The following PHACTR4 variants were observed in gnomAD, a reference collection of about 807,000 sequenced individuals.
PHACTR4 encodes the protein protein phosphatase 1, regulatory subunit 124.
PHACTR4 carries 51 observed loss-of-function variants against 72.7 expected under a neutral mutation model. That is an observed-to-expected ratio of 0.70 (90% CI 0.56 to 0.89). The LOEUF (loss-of-function observed/expected upper bound fraction) is 0.89. Among genes scored for constraint, PHACTR4 ranks in the 40% least tolerant of loss-of-function variants. PHACTR4 has a pLI of 0.00. For synonymous variants in PHACTR4, 255 were observed against 302.5 expected, an observed-to-expected ratio of 0.84 and a Z score of 1.63; for missense variants, 731 against 861.8, an observed-to-expected ratio of 0.85 and a Z score of 1.90.
chr1:28,413,804 G>C (rs534350520), intron 2 of PHACTR4, among the ~76,000 whole-genome samples: 1 of 152,128 alleles, frequency 6.6e-6, no homozygotes, highest in South Asian at 2.1e-4. Context: ...ATAATTAACT[G>C]TCTGCTGATG....
chr1:28,492,936 C>T, intron 12 of PHACTR4, 79 bp from the exon 13 acceptor site: 1 of 1,279,686 alleles, frequency 7.8e-7, no homozygotes. Context: ...AAGTTAAACA[C>T]AGTACAGAAA....
chr1:28,490,856 CAAA>C (rs1168047442), intron 10 of PHACTR4, 92 bp from the exon 11 acceptor site: 2 of 1,124,920 alleles, frequency 1.8e-6, no homozygotes, highest in Admixed American at 4.4e-5. Context: ...AAAAAAAAAA[CAAA>C]AAAGAAATAT....
chr1:28,392,758 A>C (rs912024554), intron 1 of PHACTR4, among the ~76,000 whole-genome samples: 1 of 152,146 alleles, frequency 6.6e-6, no homozygotes, highest in Admixed American at 6.6e-5. Flanking sequence ...AGGAAAAAAA[A>C]ATCTTATGCC....
chr1:28,462,070 T>A (rs36032695), intron 4 of PHACTR4, among the ~76,000 whole-genome samples: 39,545 of 151,650 alleles, frequency 0.26, 5,292 homozygotes, highest in Middle Eastern at 0.35. Context: ...TGCAGTGGTG[T>A]GATCTTGGCT....
In PHACTR4 at chr1:28,497,096, C is replaced by T. The variant is rs367973674; in HGVS notation, c.*547C>T. 6.3e-6 allele frequency: 1 copy of T among 157,756 alleles called. No homozygotes were observed. The highest frequency in any genetic ancestry group is 2.4e-5 in the African/African-American group (1 of 41,510). The allele number at this position is 157,756 out of a possible 1,614,324, so 9.8% of individuals were successfully genotyped here. On this transcript the variant is annotated 3_prime_UTR_variant, in exon 14 of 14. Coordinates refer to ENST00000373839, the MANE Select transcript of PHACTR4 (RefSeq NM_001048183.3). Reference sequence around the variant, plus strand: ...GATGAAAGCATTGCACTGTACCTCTCGTAACACAGCAATACAGTCCTCTTG... The same window carrying T: ...GATGAAAGCATTGCACTGTACCTCTTGTAACACAGCAATACAGTCCTCTTG...
chr1:28,453,780 A>T, intron 2 of PHACTR4: 1 of 944,942 alleles, frequency 1.1e-6, no homozygotes, highest in Non-Finnish European at 1.7e-6. Flanking sequence ...TTCAGCAGTT[A>T]TCCACATTGG....
intron 1 of PHACTR4, among the ~76,000 whole-genome samples, chr1:28,396,895 G>A (rs1653558441): frequency 7.3e-6 from 1 of 137,200 alleles, no homozygotes; most frequent in Non-Finnish European, 1.5e-5. Flanking sequence ...GTTTCACCGT[G>A]TTGGCCAGGC....
intron 1 of PHACTR4, among the ~76,000 whole-genome samples, chr1:28,394,438 A>G (rs1236805802): frequency 6.6e-6 from 1 of 152,044 alleles, no homozygotes; most frequent in Non-Finnish European, 1.5e-5. Flanking sequence ...GATGTGTCCT[A>G]CCACACCAAG....
intron 1 of PHACTR4, among the ~76,000 whole-genome samples, chr1:28,379,716 A>G (rs961668279): frequency 6.6e-6 from 1 of 150,750 alleles, no homozygotes; most frequent in African/African-American, 2.4e-5. Context: ...CAGCCTCCCG[A>G]GTAGCTGGGA....
intron 2 of PHACTR4, among the ~76,000 whole-genome samples, chr1:28,428,817 T>C (rs1199420302): frequency 6.6e-6 from 1 of 152,186 alleles, no homozygotes; most frequent in Admixed American, 6.5e-5. Context: ...TAGGTAGTCT[T>C]TGGAAATTTT....
At position 28,473,657 on chromosome 1, in the gene PHACTR4, G is replaced by A. The variant is rs191655831; in HGVS notation, c.927G>A (p.Glu309=). 1,128 of 1,614,016 alleles carry A rather than the reference G, an allele frequency of 7.0e-4. 2 individuals are homozygous for A. Among genetic ancestry groups the A allele is most frequent in the Admixed American group, 1.4e-3 (83 of 59,984 alleles). Residue 309 remains glutamate, a synonymous_variant, in exon 7 of 14, where the codon GAG becomes GAA. Transcript: ENST00000373839. Reference sequence around the variant, plus strand: ...CATCAACCTCAGTACCCACCTTGGAGTCTGCTGCTGCCATCACCACAAAAA... The same window carrying A: ...CATCAACCTCAGTACCCACCTTGGAATCTGCTGCTGCCATCACCACAAAAA... ...GIPSTSVPTL[E]SAAAITTKTP...
At chr1:28,412,012 T>TA (rs1051575402) in intron 2 of PHACTR4, among the ~76,000 whole-genome samples, 2 of 152,206 alleles carry the variant, frequency 1.3e-5, no homozygotes, top group Admixed American at 6.5e-5. Context: ...CTAAGGTCTC[T>TA]AGGACCTTTT....
chr1:28,433,672 G>T (rs1019230415), intron 2 of PHACTR4, among the ~76,000 whole-genome samples: 1 of 151,090 alleles, frequency 6.6e-6, no homozygotes, highest in African/African-American at 2.4e-5. Context: ...TGGCCAGGCT[G>T]GTCTCAAACT....
At chr1:28,390,654 G>C (rs576324798) in intron 1 of PHACTR4, among the ~76,000 whole-genome samples, 4 of 151,928 alleles carry the variant, frequency 2.6e-5, no homozygotes, top group African/African-American at 4.8e-5. Flanking sequence ...TTAGCCGGGC[G>C]TGGTGGCCCA....
chr1:28,488,718 T>C (rs1156241347), intron 9 of PHACTR4, among the ~76,000 whole-genome samples: 1 of 152,170 alleles, frequency 6.6e-6, no homozygotes, highest in East Asian at 1.9e-4. Flanking sequence ...TATATATAGA[T>C]ATATGTAATT....
chr1:28,435,283 G>A (rs1234225089), intron 2 of PHACTR4, among the ~76,000 whole-genome samples: 2 of 151,242 alleles, frequency 1.3e-5, no homozygotes, highest in African/African-American at 2.4e-5. Flanking sequence ...TTTTTTCTTC[G>A]AGACAGAGTC....
At chr1:28,392,505 C>T (rs1403458641) in intron 1 of PHACTR4, among the ~76,000 whole-genome samples, 2 of 151,556 alleles carry the variant, frequency 1.3e-5, no homozygotes, top group Non-Finnish European at 2.9e-5. Flanking sequence ...TGAGCTCAAA[C>T]AATCCTTGCA....
chr1:28,432,279 T>A (rs1289846282), intron 2 of PHACTR4, among the ~76,000 whole-genome samples: 1 of 151,440 alleles, frequency 6.6e-6, no homozygotes, highest in Non-Finnish European at 1.5e-5. Context: ...AACAGTTCTT[T>A]AATAAAACAA....
chr1:28,473,968 C>T lies in PHACTR4; in HGVS notation c.1238C>T (p.Pro413Leu). Residue 413 changes from proline to leucine, a missense_variant, in exon 7 of 14, where the codon CCT becomes CTT. Pro to Leu is a moderately conservative substitution (Grantham distance 98). This residue lies in a region of PHACTR4 where 621 missense variants were observed against 676.6 expected (regional missense o/e 0.92). Coordinates refer to ENST00000373839, the MANE Select transcript of PHACTR4 (RefSeq NM_001048183.3). Reference protein sequence around the residue: ...FGEPHIPSRLPPLPLHIRIQQ... With the variant: ...FGEPHIPSRLLPLPLHIRIQQ... Reference sequence around the variant, plus strand: ...GAGCCCCATATACCCTCTAGGCTGCCTCCACTCCCACTGCATATTCGAATC... The same window carrying T: ...GAGCCCCATATACCCTCTAGGCTGCTTCCACTCCCACTGCATATTCGAATC... The T allele has an allele frequency of 6.2e-7, 1 of 1,614,152 alleles. No individual in the cohort carries two copies. The highest frequency in any genetic ancestry group is 8.5e-7 in the Non-Finnish European group (1 of 1,180,022).
Sources: gnomAD v4.1 joint callset for allele counts (sites outside exome capture counted in the v4.1 genomes callset) on GRCh38, gnomAD v4.1.1 for gene constraint, gnomAD v4.1.1 regional missense constraint, MANE v1.5 for transcripts, NCBI Gene and HGNC (gene_info 2026-07-23, HGNC 2026-07-21) for gene names.